CD8B2: variants seen among roughly 807,000 people sequenced by gnomAD.
CD8B2 encodes the protein T-cell surface glycoprotein CD8 beta-2 chain.
CD8B2 carries 11 observed loss-of-function variants against 23.7 expected under a neutral mutation model. That is an observed-to-expected ratio of 0.46 (90% CI 0.29 to 0.77). The LOEUF (loss-of-function observed/expected upper bound fraction) is 0.77. CD8B2 is among the 30% of genes least tolerant of loss of function. The pLI is 0.09. For missense variants in CD8B2, 197 were observed against 270.5 expected (o/e 0.73, Z 1.91); for synonymous variants, 90 against 109.3 (o/e 0.82, Z 1.10).
chr2:106,535,996 T>C (rs183302391), intron 5 of CD8B2, among the ~76,000 whole-genome samples: 157 of 149,606 alleles, frequency 1.0e-3, no homozygotes, highest in African/African-American at 3.6e-3. Context: ...ATGGCCAGAG[T>C]AGCAAGAGAG....
chr2:106,491,090 A>G lies in CD8B2; in HGVS notation c.260A>G (p.Gln87Arg). ...ACTATCCACGGTGAAGAGGTGGAAC[A>G]GGAGAAGATAGCTGTGTTTCGGGAT... ...KGTIHGEEVE[Q>R]EKIAVFRDAS... Residue 87 changes from glutamine (Q) to arginine (R), a missense_variant, in exon 2 of 6, where the codon CAG becomes CGG. Transcript: ENST00000643224. 8.7e-6 allele frequency: 14 copies of G among 1,613,960 alleles called. No individual in the cohort carries two copies. The highest frequency in any genetic ancestry group is 1.1e-5 in the Non-Finnish European group (13 of 1,179,812).
chr2:106,538,234 C>T (rs1344888636), intron 5 of CD8B2, among the ~76,000 whole-genome samples: 1 of 152,084 alleles, frequency 6.6e-6, no homozygotes, highest in Non-Finnish European at 1.5e-5. Context: ...CGGGAAAATA[C>T]GGTATAGGCA....
intron 5 of CD8B2, among the ~76,000 whole-genome samples, chr2:106,519,318 G>C (rs965561497): frequency 6.6e-6 from 1 of 152,196 alleles, no homozygotes; most frequent in African/African-American, 2.4e-5. Context: ...CTGCCTGGCT[G>C]TCTGTGCCTG....
chr2:106,506,318 C>A (rs1679504510), intron 5 of CD8B2, among the ~76,000 whole-genome samples: 1 of 151,974 alleles, frequency 6.6e-6, no homozygotes, highest in Admixed American at 6.6e-5. Flanking sequence ...CTTTTGCAAG[C>A]CCAGGGTCAG....
At chr2:106,523,085 G>T (rs960250419) in intron 5 of CD8B2, among the ~76,000 whole-genome samples, 1 of 152,110 alleles carries the variant, frequency 6.6e-6, no homozygotes. Flanking sequence ...AACCCAACTG[G>T]CAAGGGAGCT....
At chr2:106,487,799 G>A (rs560164810) in intron 1 of CD8B2, among the ~76,000 whole-genome samples, 1 of 152,196 alleles carries the variant, frequency 6.6e-6, no homozygotes, top group African/African-American at 2.4e-5. Context: ...AAGGAAACAG[G>A]TCCCTGCCCA....
At chr2:106,518,352 G>A (rs1679769663) in intron 5 of CD8B2, among the ~76,000 whole-genome samples, 1 of 152,152 alleles carries the variant, frequency 6.6e-6, no homozygotes, top group East Asian at 1.9e-4. Flanking sequence ...GGCATAAGAT[G>A]TAAAGACATA....
intron 2 of CD8B2, among the ~76,000 whole-genome samples, chr2:106,492,686 C>A (rs1679217611): frequency 6.6e-6 from 1 of 152,138 alleles, no homozygotes; most frequent in Non-Finnish European, 1.5e-5. Context: ...CTTGAGGGCA[C>A]TAAAAGCCAC....
At chr2:106,517,363 C>T (rs1679744265) in intron 5 of CD8B2, among the ~76,000 whole-genome samples, 1 of 152,160 alleles carries the variant, frequency 6.6e-6, no homozygotes, top group Non-Finnish European at 1.5e-5. Context: ...CCCGAACTAT[C>T]TTTGATTTCT....
chr2:106,534,715 G>T (rs952597494), intron 5 of CD8B2, among the ~76,000 whole-genome samples: 5 of 152,190 alleles, frequency 3.3e-5, no homozygotes, highest in African/African-American at 1.2e-4. Flanking sequence ...TGTCGCAGGG[G>T]TCTAGTGTTT....
Position 106,507,062 on chromosome 2 carries a change from C to T in CD8B2, c.*122C>T. Reference sequence around the variant, plus strand: ...AGAGTTCAATGGCTGCTGAAGCTGCCTGCTTTTCACTGCTGCAAGGCCTTT... The same window carrying T: ...AGAGTTCAATGGCTGCTGAAGCTGCTTGCTTTTCACTGCTGCAAGGCCTTT... On this transcript the variant is annotated 3_prime_UTR_variant, in exon 6 of 6. Coordinates refer to ENST00000643224, the MANE Select transcript of CD8B2 (RefSeq NM_001349727.2). The T allele has an allele frequency of 1.3e-6, 2 of 1,505,630 alleles. No homozygotes were observed. Among genetic ancestry groups the T allele is most frequent in the Non-Finnish European group, 1.8e-6 (2 of 1,126,814 alleles). 93.3% of individuals were successfully genotyped at this position (1,505,630 alleles called of 1,614,324 possible).
intron 5 of CD8B2, among the ~76,000 whole-genome samples, chr2:106,518,234 TACTCTTTCAGAGGAAAGAAA>T (rs552159710): frequency 6.6e-6 from 1 of 152,346 alleles, no homozygotes; most frequent in South Asian, 2.1e-4. Flanking sequence ...TAATATTTTC[TACTCTTTCAGAGGAAAGAAA>T]AGAGGATTAA....
intron 5 of CD8B2, among the ~76,000 whole-genome samples, chr2:106,518,714 C>T (rs7575343): frequency 0.49 from 74,025 of 151,272 alleles, 18,183 homozygotes; most frequent in East Asian, 0.73. Context: ...TCCATCTATC[C>T]TTTCTCCCTG....
At chr2:106,520,969 G>A (rs1448900556) in intron 5 of CD8B2, among the ~76,000 whole-genome samples, 1 of 134,870 alleles carries the variant, frequency 7.4e-6, no homozygotes, top group African/African-American at 2.8e-5. Flanking sequence ...AGAGATAGGA[G>A]AACAACTCTC....
chr2:106,513,327 T>A (rs1679672862), downstream of CD8B2, among the ~76,000 whole-genome samples: 1 of 152,066 alleles, frequency 6.6e-6, no homozygotes, highest in African/African-American at 2.4e-5. Flanking sequence ...GGACACAGGC[T>A]CAAGGCTGGC....
chr2:106,494,173 A>G (rs1679252138), intron 2 of CD8B2, among the ~76,000 whole-genome samples: 1 of 139,838 alleles, frequency 7.2e-6, no homozygotes. Flanking sequence ...TTTTTTTGAG[A>G]CGGAGTCACT....
rs376492024 is a variant in CD8B2 at position 106,507,538 on chromosome 2, A to C, written c.*598A>C. On this transcript the variant is annotated 3_prime_UTR_variant, in exon 6 of 6. Coordinates refer to ENST00000643224, the MANE Select transcript of CD8B2 (RefSeq NM_001349727.2). ...GAGTTCACTTCATCTTCTTAGCTCC[A>C]ATTTCTACTCTTAAGTTTCTCAGCT... 0.022 allele frequency: 21,119 copies of C among 970,706 alleles called. 347 individuals carry two copies. Among genetic ancestry groups the C allele is most frequent in the African/African-American group, 0.037 (2,084 of 56,912 alleles). The allele number at this position is 970,706 out of a possible 1,614,324, so 60.1% of individuals were successfully genotyped here. A position where few individuals can be genotyped will look rare whatever the true frequency, so the allele number is the denominator to read the frequency against.
At chr2:106,495,375 AGACGAATGCAGTGGCAC>A (rs1475333349) in intron 2 of CD8B2, among the ~76,000 whole-genome samples, 1 of 151,952 alleles carries the variant, frequency 6.6e-6, no homozygotes, top group Non-Finnish European at 1.5e-5. Flanking sequence ...ACAAAAAATT[AGACGAATGCAGTGGCAC>A]GACGAATGCA....
intron 3 of CD8B2, among the ~76,000 whole-genome samples, chr2:106,496,956 C>T (rs1277866163): frequency 6.6e-6 from 1 of 152,090 alleles, no homozygotes; most frequent in Non-Finnish European, 1.5e-5. Flanking sequence ...ACAAAAAATC[C>T]ACTCAAAGGA....
Sources: allele counts gnomAD v4.1 joint callset (sites outside exome capture counted in the v4.1 genomes callset), GRCh38; gene constraint gnomAD v4.1.1; transcripts MANE v1.5; gene names NCBI Gene and HGNC (gene_info 2026-07-23, HGNC 2026-07-21).